EXOC6: variants seen among roughly 807,000 people sequenced by gnomAD.
EXOC6 encodes SEC15-like 1.
EXOC6 carries 60 observed loss-of-function variants against 112.5 expected under a neutral mutation model. The observed-to-expected ratio is 0.53, with a 90% CI of 0.43 to 0.66. EXOC6 has a LOEUF of 0.66. EXOC6 is among the 30% of genes least tolerant of loss of function. The pLI is 0.00. For missense variants in EXOC6, 855 were observed against 957.1 expected (o/e 0.89, Z 1.41); for synonymous variants, 295 against 308.0 (o/e 0.96, Z 0.44).
chr10:92,858,472 C>T (rs1045753750), intron 1 of EXOC6, among the ~76,000 whole-genome samples: 1 of 152,000 alleles, frequency 6.6e-6, no homozygotes, highest in African/African-American at 2.4e-5. Flanking sequence ...TCTCTGATTG[C>T]ATAATCAGAC....
At position 92,928,422 on chromosome 10, in the gene EXOC6, G is replaced by A; in HGVS notation, c.972G>A (p.Met324Ile). 1.3e-6 allele frequency: 2 copies of A among 1,585,674 alleles called. No homozygotes were observed. Among genetic ancestry groups the A allele is most frequent in the Non-Finnish European group, 1.7e-6 (2 of 1,157,138 alleles). ...ARLVLQPQSN[M>I]HETVDGYRRY... is the part of the protein sequence containing the mutation. ...TGGTATTGCAACCCCAGTCGAATAT[G>A]GTAAGTATGCGATATTTTGAATTGG... The change falls in exon 9 of 22, where the codon ATG becomes ATA. Residue 324 changes from methionine to isoleucine, a missense_variant and splice_region_variant. Met to Ile is a conservative substitution (Grantham distance 10, BLOSUM62 1). Around this residue, in one of 2 missense-constraint regions of EXOC6, gnomAD observed 450 missense variants for 563.5 expected, o/e 0.80. Coordinates refer to ENST00000260762, the MANE Select transcript of EXOC6 (RefSeq NM_019053.6).
chr10:92,950,063 G>T (rs1273680965), intron 14 of EXOC6, among the ~76,000 whole-genome samples: 1 of 152,134 alleles, frequency 6.6e-6, no homozygotes, highest in African/African-American at 2.4e-5. Context: ...AATATATGCA[G>T]TACCTCTTAA....
In EXOC6 at chr10:92,915,565, AT is replaced by A. The variant is rs1172917198; in HGVS notation, c.664-171del. Among the ~76,000 whole-genome samples, 657 of 109,212 alleles carry A rather than the reference AT, an allele frequency of 6.0e-3. 4 individuals are homozygous for A. The highest frequency in any genetic ancestry group is 0.029 in the South Asian group (87 of 3,008). 71.6% of individuals were successfully genotyped at this position (109,212 alleles called of 152,430 possible). A position where few individuals can be genotyped will look rare whatever the true frequency, so the allele number is the denominator to read the frequency against. ...GCCTGGATGACAGAGTGAGACCCTGATTTTTTTTTTTTTTTTTTTTTTAAAA... is the reference window on the plus strand; with the variant it reads ...GCCTGGATGACAGAGTGAGACCCTGATTTTTTTTTTTTTTTTTTTTTAAAA... On this transcript the variant is annotated intron_variant, in intron 6 of 21. Transcript: ENST00000260762.
intron 6 of EXOC6, 89 bp from the exon 7 acceptor site, chr10:92,915,669 G>C (rs530482724): frequency 1.2e-6 from 1 of 860,760 alleles, no homozygotes; most frequent in South Asian, 2.9e-5. Flanking sequence ...ACATTAAAAA[G>C]ATAAAAAAAA....
At chr10:92,900,135 A>G (rs1454411160) in intron 5 of EXOC6, 1 of 152,660 alleles carries the variant, frequency 6.6e-6, no homozygotes, top group African/African-American at 2.4e-5. Flanking sequence ...TATTTTAAAG[A>G]CGAACAGTTT....
rs1849926407 is a variant in EXOC6 at position 92,898,091 on chromosome 10, C to T, written c.413-1508C>T. On this transcript the variant is annotated intron_variant, in intron 4 of 21. Coordinates refer to ENST00000260762, the MANE Select transcript of EXOC6 (RefSeq NM_019053.6). ...CATCAGTTGCAGTGCAGTTGCCTAACTCCTCCGTGGATTAGGAGGAGTATG... is the reference window on the plus strand; with the variant it reads ...CATCAGTTGCAGTGCAGTTGCCTAATTCCTCCGTGGATTAGGAGGAGTATG... Among the ~76,000 whole-genome samples the T allele has an allele frequency of 2.0e-5, 3 of 151,986 alleles. No individual in the cohort carries two copies. In the South Asian group the frequency reaches 6.2e-4, roughly 32 times the overall value.
At chr10:92,879,330 A>G (rs1288539467) in intron 1 of EXOC6, among the ~76,000 whole-genome samples, 1 of 152,144 alleles carries the variant, frequency 6.6e-6, no homozygotes, top group Non-Finnish European at 1.5e-5. Context: ...TTAGCTGGGC[A>G]TGGTGGTGCA....
At chr10:92,916,404 G>A (rs1851091104) in intron 7 of EXOC6, among the ~76,000 whole-genome samples, 1 of 152,138 alleles carries the variant, frequency 6.6e-6, no homozygotes, top group Admixed American at 6.5e-5. Context: ...CAGCTACTTG[G>A]GAAGCTGAGA....
At chr10:92,977,529 T>G (rs1204469643) in intron 18 of EXOC6, among the ~76,000 whole-genome samples, 1 of 152,180 alleles carries the variant, frequency 6.6e-6, no homozygotes, top group Non-Finnish European at 1.5e-5. Context: ...ATATATTTAA[T>G]TTTTATATCA....
At chr10:92,864,861 G>A (rs1413586365) in intron 1 of EXOC6, among the ~76,000 whole-genome samples, 1 of 152,000 alleles carries the variant, frequency 6.6e-6, no homozygotes, top group African/African-American at 2.4e-5. Flanking sequence ...GCTTGCAGAC[G>A]GCATGTTATG....
intron 5 of EXOC6, among the ~76,000 whole-genome samples, chr10:92,908,057 CTTT>C (rs10632745): frequency 9.9e-6 from 1 of 100,706 alleles, no homozygotes; most frequent in Non-Finnish European, 1.8e-5. Context: ...AATATAATGT[CTTT>C]TTTTTTTTTT....
chr10:92,852,442 C>T (rs1847397762), intron 1 of EXOC6, among the ~76,000 whole-genome samples: 1 of 83,688 alleles, frequency 1.2e-5, no homozygotes, highest in African/African-American at 4.6e-5. Flanking sequence ...AATCAGTATT[C>T]CTCATACACA....
chr10:92,855,576 A>G (rs559086744), intron 1 of EXOC6, among the ~76,000 whole-genome samples: 1 of 152,142 alleles, frequency 6.6e-6, no homozygotes, highest in African/African-American at 2.4e-5. Context: ...ATTCCATTTC[A>G]TTACTTGTTA....
chr10:92,862,330 G>GCC (rs138648625), intron 1 of EXOC6, among the ~76,000 whole-genome samples: 48 of 122,480 alleles, frequency 3.9e-4, no homozygotes, highest in African/African-American at 1.5e-3. Context: ...GAAGTTTCAT[G>GCC]CCCCCCCCCC....
chr10:92,831,260 G>A (rs187424445), upstream of EXOC6: 207 of 1,184,372 alleles, frequency 1.7e-4, 1 homozygote, highest in African/African-American at 3.0e-3. Context: ...GAAGCAACTG[G>A]GCCACCAGGA....
At chr10:92,848,433 G>GCCCCCCCCCCCC, upstream of EXOC6, 10 of 855,808 alleles carry the variant, frequency 1.2e-5, no homozygotes, top group Non-Finnish European at 1.4e-5. Context: ...CGGCCCGAGC[G>GCCCCCCCCCCCC]CCCCGCCCCC....
At chr10:92,988,966 C>T (rs1172150110) in intron 18 of EXOC6, among the ~76,000 whole-genome samples, 2 of 152,210 alleles carry the variant, frequency 1.3e-5, no homozygotes, top group African/African-American at 4.8e-5. Context: ...TTCCCAAAGA[C>T]ATTCTAATGC....
intron 4 of EXOC6, 27 bp from the exon 5 acceptor site, chr10:92,899,572 G>T: frequency 6.7e-7 from 1 of 1,501,044 alleles, no homozygotes. Context: ...CATTTTGAAA[G>T]CTAAAATGTT....
chr10:93,040,217 T>G (rs1353605505), intron 20 of EXOC6, among the ~76,000 whole-genome samples: 1 of 152,216 alleles, frequency 6.6e-6, no homozygotes, highest in African/African-American at 2.4e-5. Context: ...TTGTTTCATT[T>G]TGTTTCATTA....
Sources: allele counts gnomAD v4.1 joint callset (sites outside exome capture counted in the v4.1 genomes callset), GRCh38; gene constraint gnomAD v4.1.1; regional missense constraint gnomAD v4.1.1; transcripts MANE v1.5; gene names NCBI Gene and HGNC (gene_info 2026-07-23, HGNC 2026-07-21).